NID1: variants seen among roughly 807,000 people sequenced by gnomAD.
NID1 encodes the protein nidogen-1.
Under a neutral mutation model 130.6 loss-of-function variants are expected in NID1, and 76 were observed. That is an observed-to-expected ratio of 0.58 (90% CI 0.48 to 0.70). The LOEUF is 0.70. Among genes scored for constraint, NID1 ranks in the 30% least tolerant of loss-of-function variants. The pLI is 0.00. For synonymous variants in NID1, 665 were observed against 675.1 expected (o/e 0.98, Z 0.23); for missense variants, 1,517 against 1,664.8 (o/e 0.91, Z 1.54).
At chr1:235,986,996 C>T (rs1657593449) in intron 14 of NID1, among the ~76,000 whole-genome samples, 1 of 152,214 alleles carries the variant, frequency 6.6e-6, no homozygotes, top group African/African-American at 2.4e-5. Flanking sequence ...GAGTCCTTTT[C>T]CACACATTAG....
At chr1:236,035,881 A>C (rs1572610416) in intron 5 of NID1, among the ~76,000 whole-genome samples, 1 of 152,260 alleles carries the variant, frequency 6.6e-6, no homozygotes, top group South Asian at 2.1e-4. Flanking sequence ...CAGGAAAACA[A>C]GCAAGAAGGC....
chr1:235,995,150 A>G (rs995145306), intron 12 of NID1, among the ~76,000 whole-genome samples: 4 of 152,254 alleles, frequency 2.6e-5, no homozygotes, highest in African/African-American at 9.6e-5. Flanking sequence ...AAATATTTGG[A>G]AAAATAAAAA....
chr1:235,994,009 T>C, intron 12 of NID1, 137 bp from the exon 13 acceptor site: 1 of 680,082 alleles, frequency 1.5e-6, no homozygotes, highest in Non-Finnish European at 2.5e-6. Flanking sequence ...GTTTCATCAG[T>C]TATTCAAAAT....
intron 7 of NID1, among the ~76,000 whole-genome samples, chr1:236,026,739 ATT>A (rs768617564): frequency 0.045 from 6,162 of 137,030 alleles, 357 homozygotes; most frequent in African/African-American, 0.15. Flanking sequence ...TTTCTTTTTC[ATT>A]TTTTTTTTTT....
At chr1:236,037,087 C>T (rs983612488) in intron 5 of NID1, among the ~76,000 whole-genome samples, 11 of 152,284 alleles carry the variant, frequency 7.2e-5, no homozygotes, top group African/African-American at 2.2e-4. Flanking sequence ...CAGATTTGCA[C>T]AGAAAGGATT....
rs1033750263 is a variant in NID1, at chr1:236,043,825, G to T, written c.753-1533C>A. ...AACAACAACAAAAACAACAAAAAAA[G>T]AAATCCCAACTCCATTGGCTGTGAG... On this transcript the variant is annotated intron_variant, in intron 3 of 19. Transcript: ENST00000264187. Among the ~76,000 whole-genome samples, 7 of 152,060 alleles carry T rather than the reference G, an allele frequency of 4.6e-5. No homozygotes were observed. The South Asian group carries it at 1.2e-3, about 27-fold the overall frequency.
At chr1:236,059,345 C>T (rs1659980807) in intron 1 of NID1, among the ~76,000 whole-genome samples, 1 of 152,160 alleles carries the variant, frequency 6.6e-6, no homozygotes, top group Non-Finnish European at 1.5e-5. Flanking sequence ...AGAAAATAGG[C>T]AAGTCCGGGA....
In NID1 at chr1:236,029,588, A is replaced by G. The variant is rs1345564305; in HGVS notation, c.1700T>C (p.Ile567Thr). ...PQIPFGSSVH[I>T]EPYTELYHYS... is the part of the protein sequence containing the mutation. ...GTGGTACAGCTCCGTGTAGGGCTCA[A>G]TGTGCACGGAGGAGCCGAACGGAAT... The change falls in exon 7 of 20, where the codon ATT becomes ACT. Residue 567 changes from isoleucine to threonine, a missense_variant. Physicochemically the swap from Ile to Thr is moderately conservative, Grantham distance 89 (BLOSUM62 -1). This residue lies in a region of NID1 where 1,329 missense variants were observed against 1,429.2 expected (regional missense o/e 0.93). Coordinates refer to ENST00000264187, the MANE Select transcript of NID1 (RefSeq NM_002508.3). 8.8e-6 allele frequency: 14 copies of G among 1,582,888 alleles called. No homozygotes were observed. The highest frequency in any genetic ancestry group is 4.6e-5 in the East Asian group (2 of 43,486).
chr1:236,061,606 C>T (rs1660038447), intron 1 of NID1, among the ~76,000 whole-genome samples: 1 of 152,060 alleles, frequency 6.6e-6, no homozygotes, highest in African/African-American at 2.4e-5. Flanking sequence ...GCTGAGATTA[C>T]AGGTGCACGC....
Position 235,990,867 on chromosome 1 carries a change from A to G in NID1, c.2928+19T>C, listed in dbSNP as rs1175843845. The G allele has an allele frequency of 1.2e-6, 2 of 1,613,648 alleles. No individual in the cohort carries two copies. Among genetic ancestry groups the G allele is most frequent in the African/African-American group, 2.7e-5 (2 of 74,894 alleles). Reference sequence around the variant, plus strand: ...ACTGAAGCAGGAGCTGTCACCAGGTATAATCAGCCAGCACTCACCGGGACA... The same window carrying G: ...ACTGAAGCAGGAGCTGTCACCAGGTGTAATCAGCCAGCACTCACCGGGACA... On this transcript the variant is annotated intron_variant, in intron 14 of 19. Coordinates refer to ENST00000264187, the MANE Select transcript of NID1 (RefSeq NM_002508.3).
intron 12 of NID1, among the ~76,000 whole-genome samples, chr1:236,004,882 T>G (rs1658202690): frequency 6.6e-6 from 1 of 150,874 alleles, no homozygotes; most frequent in Non-Finnish European, 1.5e-5. Context: ...GGATCAAACT[T>G]AAGCAGGATG....
intron 1 of NID1, among the ~76,000 whole-genome samples, chr1:236,058,769 G>C (rs1477435308): frequency 6.6e-6 from 1 of 152,194 alleles, no homozygotes; most frequent in African/African-American, 2.4e-5. Context: ...AGTCTAGGGG[G>C]AGCCTTCTCC....
intron 9 of NID1, among the ~76,000 whole-genome samples, chr1:236,023,634 A>G (rs1658833405): frequency 2.0e-5 from 2 of 101,236 alleles, no homozygotes; most frequent in Non-Finnish European, 3.7e-5. Context: ...TTTTACCGCA[A>G]ACAATTTTTT....
At chr1:236,008,932 C>T (rs565767252) in intron 12 of NID1, among the ~76,000 whole-genome samples, 2 of 152,318 alleles carry the variant, frequency 1.3e-5, no homozygotes, top group African/African-American at 2.4e-5. Flanking sequence ...TCCCAAAATG[C>T]TGGGATTACA....
In NID1 at chr1:235,985,487, G is replaced by A; in HGVS notation, c.2947C>T (p.Leu983=). The change falls in exon 15 of 20, where the codon CTG becomes TTG. Residue 983 remains leucine (L), a synonymous_variant. Transcript: ENST00000264187. ...LHVPAKVIIG[L]AFDCVDKMVY... is the part of the protein sequence containing the mutation. ...ATCTTGTCCACGCAGTCAAAGGCCA[G>A]TCCAATGATGACTTTAGCCTGGATG... The A allele has an allele frequency of 6.2e-7, 1 of 1,614,152 alleles. No individual in the cohort carries two copies. The highest frequency in any genetic ancestry group is 1.3e-5 in the African/African-American group (1 of 75,060).
chr1:236,034,134 C>A (rs2102832977), intron 5 of NID1, among the ~76,000 whole-genome samples: 1 of 152,206 alleles, frequency 6.6e-6, no homozygotes, highest in South Asian at 2.1e-4. Flanking sequence ...TAGAAAAAGG[C>A]ATGAGGCTGG....
At chr1:235,997,088 C>T (rs1657949356) in intron 12 of NID1, among the ~76,000 whole-genome samples, 2 of 152,182 alleles carry the variant, frequency 1.3e-5, no homozygotes, top group South Asian at 4.1e-4. Context: ...CCCGCCTCAG[C>T]CTCCCAAAGT....
chr1:236,064,711 G>T, intron 1 of NID1, 144 bp downstream of exon 1: 2 of 710,760 alleles, frequency 2.8e-6, no homozygotes, highest in African/African-American at 1.9e-5. Context: ...CTGCAGAGGC[G>T]GGAGACCCTG....
chr1:236,024,295 A>G, intron 8 of NID1, 82 bp from the exon 9 acceptor site: 2 of 1,508,278 alleles, frequency 1.3e-6, no homozygotes, highest in South Asian at 1.2e-5. Flanking sequence ...GTCAACCACA[A>G]CTGGTGAGCA....
Sources: allele counts gnomAD v4.1 joint callset (sites outside exome capture counted in the v4.1 genomes callset), GRCh38; gene constraint gnomAD v4.1.1; regional missense constraint gnomAD v4.1.1; transcripts MANE v1.5; gene names NCBI Gene and HGNC (gene_info 2026-07-23, HGNC 2026-07-21).